The following MYT1L variants were observed in gnomAD, a reference collection of about 807,000 sequenced individuals.
MYT1L encodes the protein myelin transcription factor 1 like, also known as myelin transcription factor 1-like protein.
Under a neutral mutation model 126.7 loss-of-function variants are expected in MYT1L, and 12 were observed. The observed-to-expected ratio is 0.09, with a 90% CI of 0.06 to 0.15. The LOEUF (loss-of-function observed/expected upper bound fraction) is 0.15, where lower values mean the gene tolerates loss of function less well. Among genes scored for constraint, MYT1L ranks in the 10% least tolerant of loss-of-function variants. The probability of loss-of-function intolerance (pLI) is 1.00; values close to 1 mark genes in which losing one functional copy is unlikely to be tolerated. For missense variants in MYT1L, 979 were observed against 1,585.2 expected, an observed-to-expected ratio of 0.62 and a Z score of 6.49; for synonymous variants, 541 against 604.2, an observed-to-expected ratio of 0.90 and a Z score of 1.53.
At chr2:1,944,189 G>C (rs2056972331) in intron 8 of MYT1L, among the ~76,000 whole-genome samples, 1 of 151,880 alleles carries the variant, frequency 6.6e-6, no homozygotes, top group South Asian at 2.1e-4. Flanking sequence ...TGCCATGTTG[G>C]TATATTACAT....
In MYT1L at chr2:2,038,219, C is replaced by T. The variant is rs570217780; in HGVS notation, c.-158+15759G>A. 1.3e-5 allele frequency among the ~76,000 whole-genome samples: 2 copies of T among 152,290 alleles called. 1 individual carries two copies. Among genetic ancestry groups the T allele is most frequent in the Admixed American group, 1.3e-4 (2 of 15,292 alleles). On this transcript the variant is annotated intron_variant, in intron 4 of 24. Coordinates refer to ENST00000647738, the MANE Select transcript of MYT1L (RefSeq NM_001303052.2). ...AAGATTGACTTTGTTAGAAATCATG[C>T]CCCTTTTTATCACTATTATTTTATT... is the stretch of plus-strand genomic sequence containing the variant.
intron 3 of MYT1L, among the ~76,000 whole-genome samples, chr2:2,112,103 G>C (rs572941573): frequency 6.6e-6 from 1 of 152,162 alleles, no homozygotes; most frequent in Non-Finnish European, 1.5e-5. Flanking sequence ...GCCCCCTCCC[G>C]TGTTTGCCCT....
At chr2:2,270,850 C>T (rs1301626388) in intron 2 of MYT1L, among the ~76,000 whole-genome samples, 4 of 151,996 alleles carry the variant, frequency 2.6e-5, no homozygotes, top group African/African-American at 2.4e-5. Flanking sequence ...AAAGCAGTGC[C>T]GGGCATCCTG....
intron 3 of MYT1L, among the ~76,000 whole-genome samples, chr2:2,078,244 C>T (rs922021680): frequency 6.6e-6 from 1 of 151,900 alleles, no homozygotes; most frequent in African/African-American, 2.4e-5. Context: ...ATATTTTTAA[C>T]AAGAATATGG....
At chr2:2,073,978 A>G (rs943267652) in intron 3 of MYT1L, among the ~76,000 whole-genome samples, 41 of 152,206 alleles carry the variant, frequency 2.7e-4, no homozygotes, top group African/African-American at 9.4e-4. Context: ...CTCACCCACA[A>G]GACTCTCGAG....
At chr2:2,298,059 G>A (rs1275826388) in intron 1 of MYT1L, among the ~76,000 whole-genome samples, 2 of 152,188 alleles carry the variant, frequency 1.3e-5, no homozygotes, top group African/African-American at 2.4e-5. Flanking sequence ...TCAGCCCCTG[G>A]TGCCCTAACA....
intron 9 of MYT1L, among the ~76,000 whole-genome samples, chr2:1,934,099 G>A (rs900890596): frequency 2.0e-5 from 3 of 149,198 alleles, no homozygotes; most frequent in Admixed American, 6.8e-5. Flanking sequence ...CTCAGCCTCT[G>A]GAGTAGCTGG....
intron 1 of MYT1L, among the ~76,000 whole-genome samples, chr2:2,319,994 G>A (rs952598487): frequency 5.1e-4 from 77 of 152,236 alleles, no homozygotes; most frequent in African/African-American, 1.8e-3. Flanking sequence ...TTTCTTTCTA[G>A]AAGAGGACAG....
intron 1 of MYT1L, among the ~76,000 whole-genome samples, chr2:2,316,495 A>C (rs960107058): frequency 5.3e-5 from 8 of 152,230 alleles, no homozygotes; most frequent in Non-Finnish European, 1.0e-4. Context: ...TATTTCCTTA[A>C]GGATCATGCC....
intron 4 of MYT1L, among the ~76,000 whole-genome samples, chr2:1,999,542 A>C (rs1259343289): frequency 1.3e-5 from 2 of 152,226 alleles, no homozygotes; most frequent in African/African-American, 4.8e-5. Flanking sequence ...CAGAAAATTT[A>C]AAAATATAAA....
intron 15 of MYT1L, among the ~76,000 whole-genome samples, chr2:1,891,690 G>A (rs1222344073): frequency 6.6e-6 from 1 of 152,160 alleles, no homozygotes; most frequent in African/African-American, 2.4e-5. Context: ...CCCACGCTTC[G>A]TTTTGCATGC....
At chr2:2,049,977 A>C (rs1435063432) in intron 4 of MYT1L, among the ~76,000 whole-genome samples, 1 of 151,964 alleles carries the variant, frequency 6.6e-6, no homozygotes, top group Non-Finnish European at 1.5e-5. Context: ...ATATATATAA[A>C]TATGTATATA....
intron 3 of MYT1L, among the ~76,000 whole-genome samples, chr2:2,167,217 T>G (rs2089293742): frequency 6.6e-6 from 1 of 152,216 alleles, no homozygotes; most frequent in Non-Finnish European, 1.5e-5. Flanking sequence ...GTTTTACATA[T>G]GAAACCCCCA....
Position 1,857,813 on chromosome 2 carries a change from C to T in MYT1L, c.2712-6110G>A, listed in dbSNP as rs116768142. On this transcript the variant is annotated intron_variant, in intron 18 of 24. Transcript: ENST00000647738. ...CTGGTTCTAAAAATATGTATTGCTC[C>T]GAAGCACCAGAGACATGGTAAAAAA... 6.2e-3 allele frequency among the ~76,000 whole-genome samples: 935 copies of T among 151,766 alleles called. 21 individuals are homozygous for T. The highest frequency in any genetic ancestry group is 0.022 in the African/African-American group (907 of 41,366).
chr2:1,984,241 G>A (rs1339043339), intron 5 of MYT1L, among the ~76,000 whole-genome samples: 1 of 152,104 alleles, frequency 6.6e-6, no homozygotes, highest in East Asian at 1.9e-4. Context: ...CATATATTTA[G>A]GGGCAGGGTA....
At chr2:1,813,750 G>A (rs940903293) in intron 21 of MYT1L, among the ~76,000 whole-genome samples, 5 of 151,744 alleles carry the variant, frequency 3.3e-5, no homozygotes, top group Admixed American at 6.6e-5. Flanking sequence ...GCTTCCGGCC[G>A]GGCGCGGTGG....
intron 19 of MYT1L, among the ~76,000 whole-genome samples, chr2:1,847,979 T>C (rs1327531079): frequency 6.6e-6 from 1 of 152,212 alleles, no homozygotes; most frequent in Non-Finnish European, 1.5e-5. Context: ...CCTAGGCTCA[T>C]GGGGCTGCCA....
chr2:1,833,671 T>C (rs1328502556), intron 21 of MYT1L, among the ~76,000 whole-genome samples: 2 of 152,206 alleles, frequency 1.3e-5, no homozygotes, highest in East Asian at 1.9e-4. Context: ...CCAAAGGTCA[T>C]GGCACCACGT....
At chr2:2,192,909 C>G (rs2092657781) in intron 2 of MYT1L, among the ~76,000 whole-genome samples, 1 of 152,132 alleles carries the variant, frequency 6.6e-6, no homozygotes, top group South Asian at 2.1e-4. Context: ...TTCTGCTTTT[C>G]AAAGGCAGAA....
Sources: gnomAD v4.1 joint callset for allele counts (sites outside exome capture counted in the v4.1 genomes callset) on GRCh38, gnomAD v4.1.1 for gene constraint, MANE v1.5 for transcripts, NCBI Gene and HGNC (gene_info 2026-07-23, HGNC 2026-07-21) for gene names.